ADAMTS16: variants seen among roughly 807,000 people sequenced by gnomAD.
ADAMTS16 encodes ADAM metallopeptidase with thrombospondin type 1 motif 16.
In ADAMTS16, 94 loss-of-function variants were observed where a neutral mutation model predicts 145.8. The ratio of observed to expected loss-of-function variants is 0.64; its 90% confidence interval spans 0.55 to 0.77. The LOEUF (loss-of-function observed/expected upper bound fraction) is 0.77. Ranked by LOEUF, ADAMTS16 falls within the 30% of genes least tolerant of loss-of-function variation. ADAMTS16 has a pLI of 0.00. For synonymous variants in ADAMTS16, 659 were observed against 604.3 expected, an observed-to-expected ratio of 1.09 and a Z score of -1.33; for missense variants, 1,585 against 1,591.5, an observed-to-expected ratio of 1.00 and a Z score of 0.07.
In ADAMTS16 at chr5:5,239,943, G is replaced by T. The variant is rs2126387002; in HGVS notation, c.2523+18G>T. On this transcript the variant is annotated intron_variant, in intron 16 of 22. Coordinates refer to ENST00000274181, the MANE Select transcript of ADAMTS16 (RefSeq NM_139056.4). The stretch of plus-strand genomic sequence containing the variant: ...TTGTGGAGGTAAAGTCCAGCCTCTT[G>T]ATTTTGGGGCTTGGATTTTGGGGGT... 2 of 1,611,270 alleles carry T rather than the reference G, an allele frequency of 1.2e-6. No homozygotes were observed. The highest frequency in any genetic ancestry group is 2.2e-5 in the South Asian group (2 of 90,888).
chr5:5,205,887 C>T (rs1167300495), intron 9 of ADAMTS16, among the ~76,000 whole-genome samples: 1 of 152,198 alleles, frequency 6.6e-6, no homozygotes, highest in African/African-American at 2.4e-5. Context: ...TATTCTCCCA[C>T]TCTGTGTCTT....
chr5:5,249,219 A>C (rs1390306083), intron 17 of ADAMTS16, among the ~76,000 whole-genome samples: 3 of 152,216 alleles, frequency 2.0e-5, no homozygotes, highest in African/African-American at 7.2e-5. Context: ...TATTGTCATA[A>C]AAAGTCTCTG....
chr5:5,305,082 TCCCACACCACACACACACAC>T (rs1740014931), intron 20 of ADAMTS16, among the ~76,000 whole-genome samples: 3 of 17,968 alleles, frequency 1.7e-4, no homozygotes, highest in Admixed American at 6.3e-4. Context: ...CACACACACA[TCCCACACCACACACACACAC>T]ATCCCACACC....
rs60370220 is a variant in ADAMTS16, at chr5:5,142,567, C to T, written c.175+1801C>T. On this transcript the variant is annotated intron_variant, in intron 2 of 22. Coordinates refer to ENST00000274181, the MANE Select transcript of ADAMTS16 (RefSeq NM_139056.4). ...AACAGTGTTGCCTGTTTCCCTCTGACCTGGAGCAGAAGAGCTAGAAGACAC... is the reference window on the plus strand; with the variant it reads ...AACAGTGTTGCCTGTTTCCCTCTGATCTGGAGCAGAAGAGCTAGAAGACAC... 7.7e-3 allele frequency among the ~76,000 whole-genome samples: 1,169 copies of T among 152,310 alleles called. 15 individuals are homozygous for T. Among genetic ancestry groups the T allele is most frequent in the African/African-American group, 0.027 (1,112 of 41,566 alleles).
At chr5:5,205,264 A>G (rs1283898082) in intron 9 of ADAMTS16, among the ~76,000 whole-genome samples, 4 of 151,812 alleles carry the variant, frequency 2.6e-5, no homozygotes, top group Non-Finnish European at 5.9e-5. Flanking sequence ...AATGGAATCC[A>G]AATTATTAAT....
intron 3 of ADAMTS16, among the ~76,000 whole-genome samples, chr5:5,180,649 G>T (rs1181607500): frequency 6.6e-6 from 1 of 151,994 alleles, no homozygotes; most frequent in African/African-American, 2.4e-5. Flanking sequence ...GAACATAATT[G>T]AGAGCATGCT....
chr5:5,272,299 G>C (rs1342922614), intron 18 of ADAMTS16, among the ~76,000 whole-genome samples: 5 of 151,802 alleles, frequency 3.3e-5, no homozygotes, highest in Non-Finnish European at 7.4e-5. Flanking sequence ...AGTGCTCCCT[G>C]CTCAGAGGAG....
In ADAMTS16 at chr5:5,237,046, G is replaced by T; in HGVS notation, c.2101G>T (p.Gly701Trp). Residue 701 changes from glycine to tryptophan, a missense_variant, in exon 14 of 23, where the codon GGG (glycine) becomes TGG (tryptophan). Physicochemically the swap from Gly to Trp is radical, Grantham distance 184. Around this residue, in one of 3 missense-constraint regions of ADAMTS16, gnomAD observed 834 missense variants for 811.7 expected, o/e 1.03. Transcript: ENST00000274181. ...TTCTTTGTCAAATAAAGTCAAAGAT[G>T]GGACTCCATGCTCGGAGGATAGCCG... The part of the protein sequence containing the change: ...FFSLSNKVKD[G>W]TPCSEDSRNV... The T allele has an allele frequency of 6.2e-7, 1 of 1,614,110 alleles. No homozygotes were observed. The highest frequency in any genetic ancestry group is 8.5e-7 in the Non-Finnish European group (1 of 1,179,990).
At chr5:5,171,730 C>T (rs912906613) in intron 3 of ADAMTS16, among the ~76,000 whole-genome samples, 1 of 151,798 alleles carries the variant, frequency 6.6e-6, no homozygotes. Context: ...CTTGTCGTTT[C>T]CTTTTTTTTG....
chr5:5,251,312 A>G (rs1035004627), intron 17 of ADAMTS16, among the ~76,000 whole-genome samples: 2 of 152,150 alleles, frequency 1.3e-5, no homozygotes, highest in African/African-American at 2.4e-5. Flanking sequence ...TCATTTGCAG[A>G]GAGTTTCTCC....
intron 8 of ADAMTS16, among the ~76,000 whole-genome samples, chr5:5,196,372 C>T (rs1324389724): frequency 6.6e-6 from 1 of 152,128 alleles, no homozygotes; most frequent in African/African-American, 2.4e-5. Context: ...GTGCCTCCAC[C>T]CCATTTGTGG....
intron 21 of ADAMTS16, among the ~76,000 whole-genome samples, chr5:5,307,857 G>A (rs1284237958): frequency 6.6e-6 from 1 of 152,132 alleles, no homozygotes; most frequent in African/African-American, 2.4e-5. Flanking sequence ...GGGTCCTTGG[G>A]TCCTAGACAT....
chr5:5,140,743 GGCCGGGCTGGATGGAAAA>G lies in ADAMTS16; in HGVS notation c.154_171del (p.Pro52_Lys57del). On this transcript the variant is annotated inframe_deletion, in exon 2 of 23. Transcript: ENST00000274181. Reference sequence around the variant, plus strand: ...CCGCGTCCTCCTCCACCCGCGGAGCGGCCGGGCTGGATGGAAAAGGGCGGTAAGTCCGTGAGGTGGGGG... The same window carrying G: ...CCGCGTCCTCCTCCACCCGCGGAGCGGGGCGGTAAGTCCGTGAGGTGGGGG... 6.4e-7 allele frequency: 1 copy of G among 1,567,022 alleles called. No homozygotes were observed. Among genetic ancestry groups the G allele is most frequent in the Non-Finnish European group, 8.6e-7 (1 of 1,157,308 alleles).
At chr5:5,276,746 G>A (rs6555339) in intron 18 of ADAMTS16, among the ~76,000 whole-genome samples, 79,897 of 151,924 alleles carry the variant, frequency 0.53, 21,542 homozygotes, top group Admixed American at 0.66. Flanking sequence ...AGCCAGGACT[G>A]TTGAGCCCAG....
chr5:5,210,317 C>T (rs755357518), intron 10 of ADAMTS16, among the ~76,000 whole-genome samples: 8 of 152,058 alleles, frequency 5.3e-5, no homozygotes, highest in Admixed American at 2.0e-4. Context: ...TTTGTGACCA[C>T]GGACTGTGTC....
At chr5:5,266,724 G>C (rs1056415404) in intron 18 of ADAMTS16, among the ~76,000 whole-genome samples, 2 of 152,168 alleles carry the variant, frequency 1.3e-5, no homozygotes, top group Non-Finnish European at 1.5e-5. Context: ...TCTTCCTGGT[G>C]TTACCCATAC....
intron 16 of ADAMTS16, 57 bp from the exon 17 acceptor site, chr5:5,241,996 T>C (rs1737304950): frequency 1.9e-6 from 3 of 1,595,050 alleles, no homozygotes; most frequent in Non-Finnish European, 1.7e-6. Flanking sequence ...CCCGTTAGCA[T>C]GTACTTGCTG....
At chr5:5,281,157 G>A (rs1355607724) in intron 18 of ADAMTS16, among the ~76,000 whole-genome samples, 3 of 152,214 alleles carry the variant, frequency 2.0e-5, no homozygotes, top group Non-Finnish European at 2.9e-5. Context: ...ATGAAGCCAA[G>A]AAAGCTGAAG....
intron 3 of ADAMTS16, among the ~76,000 whole-genome samples, chr5:5,173,120 A>G (rs781018510): frequency 6.8e-6 from 1 of 147,870 alleles, no homozygotes; most frequent in South Asian, 2.1e-4. Context: ...CTTTATTTTT[A>G]GTCACCTATG....
Sources: gnomAD v4.1 joint callset for allele counts (sites outside exome capture counted in the v4.1 genomes callset) on GRCh38, gnomAD v4.1.1 for gene constraint, gnomAD v4.1.1 regional missense constraint, MANE v1.5 for transcripts, NCBI Gene and HGNC (gene_info 2026-07-23, HGNC 2026-07-21) for gene names.